Variants in SPSB1 observed in about 807,000 individuals in gnomAD.
The protein encoded by SPSB1 is splA/ryanodine receptor domain and SOCS box containing 1, also known as SPRY domain-containing SOCS box protein 1.
SPSB1 carries 8 observed loss-of-function variants against 21.2 expected under a neutral mutation model. That is an observed-to-expected ratio of 0.38 (90% CI 0.22 to 0.68). The LOEUF (loss-of-function observed/expected upper bound fraction) is 0.68. Ranked by LOEUF, SPSB1 falls within the 30% of genes least tolerant of loss-of-function variation. The pLI, the probability that SPSB1 is intolerant of heterozygous loss-of-function variation, is 0.53. For missense variants in SPSB1, 242 were observed against 377.8 expected (o/e 0.64, Z 2.98); for synonymous variants, 169 against 161.7 (o/e 1.05, Z -0.34).
chr1:9,295,906 A>G (rs1054865455), intron 1 of SPSB1, among the ~76,000 whole-genome samples: 3 of 152,150 alleles, frequency 2.0e-5, no homozygotes, highest in Non-Finnish European at 4.4e-5. Context: ...AGACGACAGC[A>G]CAAGGTCAGG....
intron 1 of SPSB1, among the ~76,000 whole-genome samples, chr1:9,328,414 G>A (rs1639854231): frequency 6.6e-6 from 1 of 152,212 alleles, no homozygotes; most frequent in African/African-American, 2.4e-5. Flanking sequence ...AGATGCTGAT[G>A]CGTTTGTGAC....
At chr1:9,340,905 G>A (rs942865255) in intron 1 of SPSB1, among the ~76,000 whole-genome samples, 1 of 152,216 alleles carries the variant, frequency 6.6e-6, no homozygotes, top group Non-Finnish European at 1.5e-5. Flanking sequence ...TGCGGTGCGG[G>A]GAGGCAGAGT....
Position 9,356,916 on chromosome 1 carries a change from A to G in SPSB1, c.694+331A>G, listed in dbSNP as rs1203495363. 6.6e-6 allele frequency among the ~76,000 whole-genome samples: 1 copy of G among 151,716 alleles called. No homozygotes were observed. Among genetic ancestry groups the G allele is most frequent in the Non-Finnish European group, 1.5e-5 (1 of 67,994 alleles). ...TAATGGATGGATGCGTGTATAATGA[A>G]TTGATGGATGAATGTTTGGATTGAT... On this transcript the variant is annotated intron_variant, in intron 2 of 2. Coordinates refer to ENST00000328089, the MANE Select transcript of SPSB1 (RefSeq NM_025106.4). The surrounding 1 kb of genome is among the most constrained non-coding windows in gnomAD (Gnocchi z 7.4).
chr1:9,316,441 A>G (rs912669904), intron 1 of SPSB1, among the ~76,000 whole-genome samples: 1 of 152,204 alleles, frequency 6.6e-6, no homozygotes, highest in Non-Finnish European at 1.5e-5. Flanking sequence ...CACGGGCTCA[A>G]CCAGGTGATA....
At position 9,367,670 on chromosome 1, in the gene SPSB1, C is replaced by A; in HGVS notation, c.*95C>A. ...CGCCGCACCCTGCACCTTGGACCGG[C>A]ATCCGTAGCCATGGACAGAGGTCCC... On this transcript the variant is annotated 3_prime_UTR_variant, in exon 3 of 3. Coordinates refer to ENST00000328089, the MANE Select transcript of SPSB1 (RefSeq NM_025106.4). The surrounding 1 kb of genome is among the most constrained non-coding windows in gnomAD (Gnocchi z 5.9). 1 of 1,467,450 alleles carries A rather than the reference C, an allele frequency of 6.8e-7. No individual in the cohort carries two copies. Among genetic ancestry groups the A allele is most frequent in the Non-Finnish European group, 9.0e-7 (1 of 1,105,300 alleles). 90.9% of individuals were successfully genotyped at this position (1,467,450 alleles called of 1,614,324 possible).
intron 1 of SPSB1, among the ~76,000 whole-genome samples, chr1:9,307,810 C>G (rs1285611108): frequency 1.3e-5 from 2 of 152,212 alleles, no homozygotes; most frequent in African/African-American, 4.8e-5. Context: ...TTGAGCCCAT[C>G]AGCAGTTCCC....
chr1:9,367,302 T>G lies in SPSB1; in HGVS notation c.695-146T>G. On this transcript the variant is annotated intron_variant, in intron 2 of 2. Coordinates refer to ENST00000328089, the MANE Select transcript of SPSB1 (RefSeq NM_025106.4). The surrounding 1 kb of genome is among the most constrained non-coding windows in gnomAD (Gnocchi z 5.9). ...GGTGGCAGCTATTCACATGCTAAAT[T>G]TAAAATGAAAAAGCATTGCATTTTT... The G allele has an allele frequency of 6.7e-7, 1 of 1,489,846 alleles. No homozygotes were observed. The highest frequency in any genetic ancestry group is 9.1e-7 in the Non-Finnish European group (1 of 1,093,566). The allele number at this position is 1,489,846 out of a possible 1,614,324, so 92.3% of individuals were successfully genotyped here. A position where few individuals can be genotyped will look rare whatever the true frequency, so the allele number is the denominator to read the frequency against.
At chr1:9,352,238 G>A (rs977821780) in intron 1 of SPSB1, among the ~76,000 whole-genome samples, 1 of 152,228 alleles carries the variant, frequency 6.6e-6, no homozygotes, top group South Asian at 2.1e-4. Context: ...CAGACAGACA[G>A]TGGATGTCCC....
intron 1 of SPSB1, among the ~76,000 whole-genome samples, chr1:9,309,333 TGA>T (rs200766488): frequency 0.015 from 1,963 of 134,732 alleles, 30 homozygotes; most frequent in African/African-American, 0.053. Flanking sequence ...TGTGTGTGTG[TGA>T]GTGACAGATT....
At chr1:9,301,807 C>A (rs960433614) in intron 1 of SPSB1, among the ~76,000 whole-genome samples, 1 of 152,238 alleles carries the variant, frequency 6.6e-6, no homozygotes, top group African/African-American at 2.4e-5. Flanking sequence ...TAACACTGAG[C>A]TCCAGTATGG....
At chr1:9,295,899 C>A (rs939104266) in intron 1 of SPSB1, among the ~76,000 whole-genome samples, 2 of 152,142 alleles carry the variant, frequency 1.3e-5, no homozygotes, top group African/African-American at 4.8e-5. Context: ...TTTTATCAGA[C>A]GACAGCACAA....
In SPSB1 at chr1:9,355,993, C is replaced by T. The variant is rs1334689280; in HGVS notation, c.102C>T (p.Pro34=). ...QELQGLDYCK[P]TRLDLLLDMP... is the part of the protein sequence containing the mutation. The stretch of plus-strand genomic sequence containing the variant: ...TCCAGGGTCTGGATTACTGCAAGCC[C>T]ACCCGGCTGGATCTGCTACTGGACA... The change falls in exon 2 of 3, where the codon CCC becomes CCT. Residue 34 remains proline (P), a synonymous_variant. Transcript: ENST00000328089. 3.7e-6 allele frequency: 6 copies of T among 1,614,016 alleles called. No homozygotes were observed. The highest frequency in any genetic ancestry group is 4.2e-6 in the Non-Finnish European group (5 of 1,180,022).
intron 1 of SPSB1, among the ~76,000 whole-genome samples, chr1:9,344,726 G>A (rs568589830): frequency 1.3e-5 from 2 of 152,074 alleles, no homozygotes; most frequent in East Asian, 1.9e-4. Flanking sequence ...CTCAGGGGGC[G>A]GATGAGTGGA....
At chr1:9,353,525 G>A (rs1640305430) in intron 1 of SPSB1, among the ~76,000 whole-genome samples, 1 of 152,168 alleles carries the variant, frequency 6.6e-6, no homozygotes, top group African/African-American at 2.4e-5. Context: ...GGCCCTCTAG[G>A]CTGCAGAGGG....
chr1:9,324,028 C>G lies in SPSB1; in HGVS notation c.-150+30957C>G, dbSNP rs1386421117. Among the ~76,000 whole-genome samples, 1 of 152,220 alleles carries G rather than the reference C, an allele frequency of 6.6e-6. No individual in the cohort carries two copies. The highest frequency in any genetic ancestry group is 1.5e-5 in the Non-Finnish European group (1 of 68,038). ...ACAGCTGTCCTTGATGGCCCAAACT[C>G]GGGCCGCAGAACCCCTCCTCAGGCC... is the stretch of plus-strand genomic sequence containing the variant. On this transcript the variant is annotated intron_variant, in intron 1 of 2. Transcript: ENST00000328089. The surrounding 1 kb of genome is among the most constrained non-coding windows in gnomAD (Gnocchi z 4.3).
chr1:9,323,262 G>T (rs924662086), intron 1 of SPSB1, among the ~76,000 whole-genome samples: 19 of 152,200 alleles, frequency 1.2e-4, no homozygotes, highest in Non-Finnish European at 2.2e-4. Context: ...AAACATTCTA[G>T]TTCCCGCCGA....
At position 9,348,818 on chromosome 1, in the gene SPSB1, G is replaced by A. The variant is rs1221272574; in HGVS notation, c.-149-6925G>A. ...ACCGAGAAATCCAGTAGGGTCACGC[G>A]GCTCTGATGGGTGTTTGGAACCCCA... On this transcript the variant is annotated intron_variant, in intron 1 of 2. Coordinates refer to ENST00000328089, the MANE Select transcript of SPSB1 (RefSeq NM_025106.4). The surrounding 1 kb of genome is among the most constrained non-coding windows in gnomAD (Gnocchi z 4.8). Among the ~76,000 whole-genome samples the A allele has an allele frequency of 6.6e-6, 1 of 151,734 alleles. No homozygotes were observed. The highest frequency in any genetic ancestry group is 2.4e-5 in the African/African-American group (1 of 41,276).
At chr1:9,340,360 C>T (rs1044693009) in intron 1 of SPSB1, among the ~76,000 whole-genome samples, 5 of 152,252 alleles carry the variant, frequency 3.3e-5, no homozygotes, top group Non-Finnish European at 7.3e-5. Flanking sequence ...ATTCCTGCCA[C>T]CAGCCCAGCT....
chr1:9,330,958 A>AAAAAT (rs972931101), intron 1 of SPSB1, among the ~76,000 whole-genome samples: 5 of 152,096 alleles, frequency 3.3e-5, no homozygotes, highest in Admixed American at 1.3e-4. Context: ...ATACTTAAAA[A>AAAAAT]AAAATCCTAA....
Sources: allele counts gnomAD v4.1 joint callset (sites outside exome capture counted in the v4.1 genomes callset), GRCh38; gene constraint gnomAD v4.1.1; non-coding constraint Gnocchi (gnomAD v3.1); transcripts MANE v1.5; gene names NCBI Gene and HGNC (gene_info 2026-07-23, HGNC 2026-07-21).